Variants in ZNF737 observed in about 807,000 individuals in gnomAD.
The protein encoded by ZNF737 is zinc finger protein 102 (Y3).
A neutral mutation model predicts 11.7 loss-of-function variants in ZNF737; 13 were observed. The ratio of observed to expected loss-of-function variants is 1.11; its 90% CI spans 0.73 to 1.77. The LOEUF (loss-of-function observed/expected upper bound fraction) is 1.77, where lower values mean the gene tolerates loss of function less well. ZNF737 is among the 40% of genes most tolerant of loss of function. The probability of loss-of-function intolerance (pLI) is 0.00; values close to 1 mark genes in which losing one functional copy is unlikely to be tolerated. For missense variants in ZNF737, 636 were observed against 638.0 expected, an observed-to-expected ratio of 1.00 and a Z score of 0.03; for synonymous variants, 217 against 216.2, an observed-to-expected ratio of 1.00 and a Z score of -0.03.
At position 20,544,170 on chromosome 19, in the gene ZNF737, T is replaced by A. The variant is rs1178692139; in HGVS notation, c.*422A>T. On this transcript the variant is annotated 3_prime_UTR_variant, in exon 4 of 4. Coordinates refer to ENST00000427401, the MANE Select transcript of ZNF737 (RefSeq NM_001159293.2). The stretch of plus-strand genomic sequence containing the variant: ...AAAACTTGTTATAGGATTTGCCACA[T>A]TCCTCAAACTTGTAGGATTTTTGTC... 2 of 1,008,888 alleles carry A rather than the reference T, an allele frequency of 2.0e-6. No individual in the cohort carries two copies. Among genetic ancestry groups the A allele is most frequent in the Middle Eastern group, 5.1e-4 (1 of 1,978 alleles). The allele number at this position is 1,008,888 out of a possible 1,614,324, so 62.5% of individuals were successfully genotyped here.
In ZNF737 at chr19:20,538,820, A is replaced by G. The variant is rs1568421508; in HGVS notation, c.*5772T>C. 2.0e-6 allele frequency: 2 copies of G among 985,378 alleles called. No homozygotes were observed. The highest frequency in any genetic ancestry group is 1.1e-4 in the East Asian group (1 of 8,816). 61.0% of individuals were successfully genotyped at this position (985,378 alleles called of 1,614,324 possible). A position where few individuals can be genotyped will look rare whatever the true frequency, so the allele number is the denominator to read the frequency against. ...CTAGATAATTACCAACTTTAGTCATACTATTTTTTAGCAACTAATGGCATC... is the reference window on the plus strand; with the variant it reads ...CTAGATAATTACCAACTTTAGTCATGCTATTTTTTAGCAACTAATGGCATC... On this transcript the variant is annotated 3_prime_UTR_variant, in exon 4 of 4. Transcript: ENST00000427401.
At position 20,544,629 on chromosome 19, in the gene ZNF737, G is replaced by T. The variant is rs782035924; in HGVS notation, c.1574C>A (p.Thr525Asn). The change falls in exon 4 of 4, where the codon ACT becomes AAT. Residue 525 changes from threonine to asparagine, a missense_variant. Physicochemically the swap from Thr to Asn is moderately conservative, Grantham distance 65 (BLOSUM62 0). Transcript: ENST00000427401. ...TCCAGTATGAATTACCTTATGTGTAGTAAGGGTAGAGGGGCACTTAAAGCC... is the reference window on the plus strand; with the variant it reads ...TCCAGTATGAATTACCTTATGTGTATTAAGGGTAGAGGGGCACTTAAAGCC... ...GKGFKCPSTL[T>N]THKVIHTGEK... The T allele has an allele frequency of 6.2e-7, 1 of 1,609,646 alleles. No individual in the cohort carries two copies. The highest frequency in any genetic ancestry group is 2.2e-5 in the East Asian group (1 of 44,696).
rs937651110 is a variant in ZNF737, at chr19:20,538,572, G to T, written c.*6020C>A. The T allele has an allele frequency of 2.2e-6, 2 of 899,190 alleles. No individual in the cohort carries two copies. Among genetic ancestry groups the T allele is most frequent in the Admixed American group, 6.2e-5 (1 of 16,162 alleles). The allele number at this position is 899,190 out of a possible 1,614,324, so 55.7% of individuals were successfully genotyped here. ...CTGCTTTCTGCAAAAAGTAAAAATG[G>T]CCTTGCTAAGAAAAATTAAATTTAT... On this transcript the variant is annotated 3_prime_UTR_variant, in exon 4 of 4. Coordinates refer to ENST00000427401, the MANE Select transcript of ZNF737 (RefSeq NM_001159293.2).
chr19:20,542,529 G>A lies in ZNF737; in HGVS notation c.*2063C>T, dbSNP rs1968254163. 30 of 981,474 alleles carry A rather than the reference G, an allele frequency of 3.1e-5. 1 individual carries two copies. The South Asian group carries it at 1.2e-3, about 40-fold the overall frequency. The allele number at this position is 981,474 out of a possible 1,614,324, so 60.8% of individuals were successfully genotyped here. A position where few individuals can be genotyped will look rare whatever the true frequency, so the allele number is the denominator to read the frequency against. ...TTACAGGCATGAGCCATCAAGCCCG[G>A]CCCTAACAGTTTTAAAATGCACTGC... On this transcript the variant is annotated 3_prime_UTR_variant, in exon 4 of 4. Transcript: ENST00000427401.
rs1482398933 is a variant in ZNF737, at chr19:20,540,115, G to A, written c.*4477C>T. On this transcript the variant is annotated 3_prime_UTR_variant, in exon 4 of 4. Transcript: ENST00000427401. ...TCCTTACTGGAAGCAACATGGAGGAGGCAGAAATGATGGCAAGATACAAAC... is the reference window on the plus strand; with the variant it reads ...TCCTTACTGGAAGCAACATGGAGGAAGCAGAAATGATGGCAAGATACAAAC... The A allele has an allele frequency of 4.1e-6, 4 of 985,250 alleles. No individual in the cohort carries two copies. The highest frequency in any genetic ancestry group is 6.2e-5 in the Admixed American group (1 of 16,256). 61.0% of individuals were successfully genotyped at this position (985,250 alleles called of 1,614,324 possible).
chr19:20,559,200 C>T (rs1313038472), intron 1 of ZNF737, among the ~76,000 whole-genome samples: 2 of 152,008 alleles, frequency 1.3e-5, no homozygotes, highest in African/African-American at 4.8e-5. Context: ...TAAACTAAAG[C>T]GCTTCTTCAC....
At chr19:20,547,900 T>C (rs981228372) in intron 3 of ZNF737, among the ~76,000 whole-genome samples, 1 of 152,134 alleles carries the variant, frequency 6.6e-6, no homozygotes, top group Non-Finnish European at 1.5e-5. Context: ...CCTGTAATCC[T>C]AGCAGTTTGG....
chr19:20,530,915 C>T (rs1555752679), downstream of ZNF737, among the ~76,000 whole-genome samples: 1 of 148,678 alleles, frequency 6.7e-6, no homozygotes, highest in Non-Finnish European at 1.5e-5. Flanking sequence ...GAGATCACAC[C>T]ACTGCACTCC....
At chr19:20,548,637 A>G (rs1968542471) in intron 3 of ZNF737, among the ~76,000 whole-genome samples, 1 of 151,870 alleles carries the variant, frequency 6.6e-6, no homozygotes, top group Non-Finnish European at 1.5e-5. Flanking sequence ...TTTTTGAGAC[A>G]CGGTCTCACT....
At chr19:20,536,382 T>C (rs1555753842), downstream of ZNF737, among the ~76,000 whole-genome samples, 1 of 152,192 alleles carries the variant, frequency 6.6e-6, no homozygotes, top group African/African-American at 2.4e-5. Context: ...AATGCTAATT[T>C]TTATTTAAAA....
At chr19:20,552,935 C>T (rs1555759018) in intron 2 of ZNF737, among the ~76,000 whole-genome samples, 2 of 150,880 alleles carry the variant, frequency 1.3e-5, no homozygotes, top group African/African-American at 4.9e-5. Context: ...TTGCTTCAAC[C>T]TGGGAGGTGG....
At position 20,551,608 on chromosome 19, in the gene ZNF737, C is replaced by T. The variant is rs868959856; in HGVS notation, c.226+867G>A. 5.3e-5 allele frequency among the ~76,000 whole-genome samples: 8 copies of T among 151,756 alleles called. No individual in the cohort carries two copies. In the South Asian group the frequency reaches 1.5e-3, roughly 28 times the overall value. On this transcript the variant is annotated intron_variant, in intron 3 of 3. Coordinates refer to ENST00000427401, the MANE Select transcript of ZNF737 (RefSeq NM_001159293.2). Reference sequence around the variant, plus strand: ...AAATTAGCAAAATATAAAATTAACACACAAGTACATGTATTGTTTCATACG... The same window carrying T: ...AAATTAGCAAAATATAAAATTAACATACAAGTACATGTATTGTTTCATACG...
At position 20,545,102 on chromosome 19, in the gene ZNF737, T is replaced by C. The variant is rs782445190; in HGVS notation, c.1101A>G (p.Lys367=). ...TGCCACATTCTTCACATTTGTAGGG[T>C]TTCTCTCCACTATGAATTATCTTGT... ...TTHKIIHSGE[K]PYKCEECGKA... is the part of the protein sequence containing the mutation. The change falls in exon 4 of 4, where the codon AAA becomes AAG. Residue 367 remains lysine (K), a synonymous_variant. Coordinates refer to ENST00000427401, the MANE Select transcript of ZNF737 (RefSeq NM_001159293.2). 49 of 1,611,186 alleles carry C rather than the reference T, an allele frequency of 3.0e-5. No homozygotes were observed. In the East Asian group the frequency reaches 1.0e-3, roughly 33 times the overall value.
At chr19:20,554,620 TAGA>T (rs1968815896) in intron 1 of ZNF737, among the ~76,000 whole-genome samples, 1 of 152,182 alleles carries the variant, frequency 6.6e-6, no homozygotes, top group South Asian at 2.1e-4. Context: ...CTAATGCACA[TAGA>T]AGAACACAGC....
downstream of ZNF737, among the ~76,000 whole-genome samples, chr19:20,533,322 G>C (rs2122431497): frequency 6.7e-6 from 1 of 149,860 alleles, no homozygotes; most frequent in African/African-American, 2.5e-5. Context: ...TTGTATTACT[G>C]TTTGTAGCAA....
At position 20,544,680 on chromosome 19, in the gene ZNF737, G is replaced by A. The variant is rs782525518; in HGVS notation, c.1523C>T (p.Pro508Leu). The change falls in exon 4 of 4, where the codon CCC becomes CTC. Residue 508 changes from proline to leucine, a missense_variant. Transcript: ENST00000427401. ...RHKRIHTGEK[P>L]YKCEECGKGF... ...TTTGCCACATTCTTCACATTTGTAG[G>A]GTTTCTCTCCAGTATGAATTCTCTT... The A allele has an allele frequency of 1.1e-5, 18 of 1,606,636 alleles. No individual in the cohort carries two copies. Among genetic ancestry groups the A allele is most frequent in the African/African-American group, 1.4e-5 (1 of 73,238 alleles).
rs1968200196 is a variant in ZNF737, at chr19:20,541,390, G to C, written c.*3202C>G. 3 of 983,450 alleles carry C rather than the reference G, an allele frequency of 3.1e-6. No homozygotes were observed. Among genetic ancestry groups the C allele is most frequent in the Non-Finnish European group, 1.2e-6 (1 of 828,356 alleles). 60.9% of individuals were successfully genotyped at this position (983,450 alleles called of 1,614,324 possible). The stretch of plus-strand genomic sequence containing the variant: ...TTGCAGGCAGAGACCACATGTTCAA[G>C]GAAAACTATATTACAAGTATTTATA... On this transcript the variant is annotated 3_prime_UTR_variant, in exon 4 of 4. Transcript: ENST00000427401.
intron 1 of ZNF737, among the ~76,000 whole-genome samples, chr19:20,560,338 A>G (rs193069533): frequency 4.0e-5 from 6 of 151,858 alleles, no homozygotes; most frequent in Admixed American, 3.9e-4. Context: ...AATAAGGGAG[A>G]CTCTGTCTCC....
At chr19:20,534,656 A>G (rs1181432609), downstream of ZNF737, among the ~76,000 whole-genome samples, 2 of 150,264 alleles carry the variant, frequency 1.3e-5, no homozygotes, top group East Asian at 4.0e-4. Flanking sequence ...GAGTCAAATT[A>G]TACATATCAA....
Sources: gnomAD v4.1 joint callset for allele counts (sites outside exome capture counted in the v4.1 genomes callset) on GRCh38, gnomAD v4.1.1 for gene constraint, MANE v1.5 for transcripts, NCBI Gene and HGNC (gene_info 2026-07-23, HGNC 2026-07-21) for gene names.